The following UGT1A10 variants were observed in gnomAD, a reference collection of about 807,000 sequenced individuals.
The protein encoded by UGT1A10 is UDP glucuronosyltransferase family 1 member A10, also known as UDP-glucuronosyltransferase 1A10.
Under a neutral mutation model 45.8 loss-of-function variants are expected in UGT1A10, and 49 were observed. That is an observed-to-expected ratio of 1.07 (90% CI 0.85 to 1.36). The LOEUF is 1.36. UGT1A10 is among the 40% of genes most tolerant of loss of function. The pLI is 0.00. For missense variants in UGT1A10, 745 were observed against 668.6 expected (o/e 1.11, Z -1.26); for synonymous variants, 284 against 249.7 (o/e 1.14, Z -1.29).
intron 4 of UGT1A10, 116 bp downstream of exon 4, chr2:233,768,555 A>C: frequency 6.8e-7 from 1 of 1,474,628 alleles, no homozygotes; most frequent in African/African-American, 1.4e-5. Flanking sequence ...AAAAACAAAT[A>C]CATAAAAATC....
At chr2:233,748,830 A>T (rs1694040307) in intron 1 of UGT1A10, among the ~76,000 whole-genome samples, 1 of 151,290 alleles carries the variant, frequency 6.6e-6, no homozygotes, top group African/African-American at 2.5e-5. Flanking sequence ...TCTAGGGAGG[A>T]GATAAAACTG....
Position 233,693,985 on chromosome 2 carries a change from A to T in UGT1A10, c.855+56608A>T. On this transcript the variant is annotated intron_variant, in intron 1 of 4. Coordinates refer to ENST00000344644, the MANE Select transcript of UGT1A10 (RefSeq NM_019075.4). Reference sequence around the variant, plus strand: ...ATTTCCTGGAGAAACGGTGGGGGGAAGTGATACCCGGCTCGGAGCAGCGGG... The same window carrying T: ...ATTTCCTGGAGAAACGGTGGGGGGATGTGATACCCGGCTCGGAGCAGCGGG... 3 of 1,547,250 alleles carry T rather than the reference A, an allele frequency of 1.9e-6. No individual in the cohort carries two copies. The Admixed American group carries it at 5.6e-5, about 29-fold the overall frequency.
intron 1 of UGT1A10, among the ~76,000 whole-genome samples, chr2:233,697,329 T>C (rs545927444): frequency 6.6e-6 from 1 of 152,134 alleles, no homozygotes; most frequent in Non-Finnish European, 1.5e-5. Flanking sequence ...TTTGGAAATG[T>C]ATCCATTTCC....
chr2:233,661,233 CT>C (rs2073958220), intron 1 of UGT1A10, among the ~76,000 whole-genome samples: 1 of 151,720 alleles, frequency 6.6e-6, no homozygotes, highest in African/African-American at 2.4e-5. Flanking sequence ...TAATTTTCTA[CT>C]TTTGGTCTTG....
chr2:233,760,477 G>A (rs775184773), intron 1 of UGT1A10: 6 of 1,614,242 alleles, frequency 3.7e-6, no homozygotes, highest in South Asian at 2.2e-5. Flanking sequence ...AGCACCTGAC[G>A]CCTCGTTGTA....
At chr2:233,645,735 G>A (rs1318267843) in intron 1 of UGT1A10, among the ~76,000 whole-genome samples, 2 of 152,236 alleles carry the variant, frequency 1.3e-5, no homozygotes, top group Non-Finnish European at 2.9e-5. Context: ...CTCCACCCCT[G>A]TGGCTTTGCA....
At chr2:233,770,116 A>G (rs557135570) in intron 4 of UGT1A10, 1 of 152,452 alleles carries the variant, frequency 6.6e-6, no homozygotes, top group Admixed American at 6.5e-5. Flanking sequence ...CCTAAGAACA[A>G]CTTGGTGAAA....
chr2:233,731,781 A>G (rs2078203894), intron 1 of UGT1A10, among the ~76,000 whole-genome samples: 1 of 152,164 alleles, frequency 6.6e-6, no homozygotes, highest in Admixed American at 6.5e-5. Context: ...ATCATTTATA[A>G]TCGTTTGGGT....
At position 233,729,883 on chromosome 2, in the gene UGT1A10, TC is replaced by T. The variant is rs771925903; in HGVS notation, c.856-37150del. ...AGTGGTGGATATTCTCAGTCATGCA[TC>T]TGTGTGGCTGTTCCGAGGGGACTTT... On this transcript the variant is annotated intron_variant, in intron 1 of 4. Transcript: ENST00000344644. The T allele has an allele frequency of 6.2e-6, 10 of 1,613,824 alleles. No individual in the cohort carries two copies. In the African/African-American group the frequency reaches 1.3e-4, roughly 22 times the overall value.
rs570583688 is a variant in UGT1A10, at chr2:233,636,862, A to T, written c.340A>T (p.Ser114Cys). 6.2e-6 allele frequency: 10 copies of T among 1,614,190 alleles called. No homozygotes were observed. In the South Asian group the frequency reaches 9.9e-5, roughly 16 times the overall value. The change falls in exon 1 of 5, where the codon AGT becomes TGT. Residue 114 changes from serine (S) to cysteine (C), a missense_variant. Ser to Cys is a moderately radical substitution (Grantham distance 112). Transcript: ENST00000344644. ...SIFSLLMSSS[S>C]GFLDLFFSHC... ...ATTTTCTCTATTAATGAGTTCATCC[A>T]GTGGTTTTCTTGACTTATTTTTTTC... is the stretch of plus-strand genomic sequence containing the variant.
rs1699952457 is a variant in UGT1A10, at chr2:233,769,841, G to C, written c.1295+1402G>C. On this transcript the variant is annotated intron_variant, in intron 4 of 4. Coordinates refer to ENST00000344644, the MANE Select transcript of UGT1A10 (RefSeq NM_019075.4). This position sits in a 1 kb window ranked among gnomAD's most constrained non-coding sequence, Gnocchi z 4.4. The stretch of plus-strand genomic sequence containing the variant: ...CTGCACTCCAGCAACCTGGGCAACA[G>C]AGTGAGACCCTGTCTCAAAAAAAAA... The C allele has an allele frequency of 1.8e-6, 1 of 550,096 alleles. No homozygotes were observed. Among genetic ancestry groups the C allele is most frequent in the Non-Finnish European group, 2.8e-6 (1 of 353,910 alleles). The allele number at this position is 550,096 out of a possible 1,614,324, so 34.1% of individuals were successfully genotyped here. A position where few individuals can be genotyped will look rare whatever the true frequency, so the allele number is the denominator to read the frequency against.
At chr2:233,639,630 G>A (rs1305633711) in intron 1 of UGT1A10, among the ~76,000 whole-genome samples, 2 of 152,168 alleles carry the variant, frequency 1.3e-5, no homozygotes, top group African/African-American at 2.4e-5. Context: ...GTGTGTTTGC[G>A]TGCAGTGTCC....
intron 1 of UGT1A10, chr2:233,729,354 C>A (rs767130471): frequency 2.5e-6 from 4 of 1,614,190 alleles, no homozygotes; most frequent in Non-Finnish European, 2.5e-6. Context: ...ACTTTTTCAC[C>A]CTGACAACCT....
intron 1 of UGT1A10, among the ~76,000 whole-genome samples, chr2:233,654,872 A>C (rs571647395): frequency 6.6e-6 from 1 of 152,316 alleles, no homozygotes; most frequent in African/African-American, 2.4e-5. Flanking sequence ...TGGGCGGATC[A>C]CCTGAGGTCA....
intron 1 of UGT1A10, chr2:233,754,468 G>A: frequency 1.1e-5 from 4 of 357,086 alleles, no homozygotes; most frequent in Non-Finnish European, 1.7e-5. Context: ...TGTTCTGAAA[G>A]TAAAGTTCAC....
chr2:233,754,759 C>T lies in UGT1A10; in HGVS notation c.856-12275C>T, dbSNP rs188420016. 6.3e-5 allele frequency: 56 copies of T among 893,964 alleles called. No individual in the cohort carries two copies. In the African/African-American group the frequency reaches 8.1e-4, roughly 13 times the overall value. 55.4% of individuals were successfully genotyped at this position (893,964 alleles called of 1,614,324 possible). On this transcript the variant is annotated intron_variant, in intron 1 of 4. Transcript: ENST00000344644. ...TAGGACATGCAGAAGGAAGAAAGGCCCCCACTTCCCAGGGAGCCAAAGGAA... is the reference window on the plus strand; with the variant it reads ...TAGGACATGCAGAAGGAAGAAAGGCTCCCACTTCCCAGGGAGCCAAAGGAA...
At chr2:233,707,472 T>C in intron 1 of UGT1A10, among the ~76,000 whole-genome samples, 1 of 152,136 alleles carries the variant, frequency 6.6e-6, no homozygotes, top group Non-Finnish European at 1.5e-5. Flanking sequence ...CTGTAAATAA[T>C]ACAGATGATT....
intron 1 of UGT1A10, among the ~76,000 whole-genome samples, chr2:233,717,441 A>T (rs985178855): frequency 6.6e-6 from 1 of 152,186 alleles, no homozygotes; most frequent in Non-Finnish European, 1.5e-5. Flanking sequence ...TGATGGACGC[A>T]TCCATTCACT....
chr2:233,760,923 C>G, intron 1 of UGT1A10: 1 of 1,614,214 alleles, frequency 6.2e-7, no homozygotes, highest in Non-Finnish European at 8.5e-7. Flanking sequence ...GGGTGAAGAA[C>G]ATGCTCATTG....
Sources: allele counts gnomAD v4.1 joint callset (sites outside exome capture counted in the v4.1 genomes callset), GRCh38; gene constraint gnomAD v4.1.1; non-coding constraint Gnocchi (gnomAD v3.1); transcripts MANE v1.5; gene names NCBI Gene and HGNC (gene_info 2026-07-23, HGNC 2026-07-21).